Variants in CRYL1 observed in about 807,000 individuals in gnomAD.
The protein encoded by CRYL1 is lambda-crystallin homolog.
In CRYL1, 29 loss-of-function variants were observed where a neutral mutation model predicts 36.6. That is an observed-to-expected ratio of 0.79 (90% CI 0.59 to 1.08). The LOEUF (loss-of-function observed/expected upper bound fraction) is 1.08. CRYL1 is among the 50% of genes least tolerant of loss of function. The probability of loss-of-function intolerance (pLI) is 0.00; values close to 1 mark genes in which losing one functional copy is unlikely to be tolerated. For synonymous variants in CRYL1, 152 were observed against 151.5 expected, an observed-to-expected ratio of 1.00 and a Z score of -0.02; for missense variants, 411 against 407.9, an observed-to-expected ratio of 1.01 and a Z score of -0.06.
intron 3 of CRYL1, among the ~76,000 whole-genome samples, chr13:20,488,294 G>C (rs2033440887): frequency 6.6e-6 from 1 of 152,074 alleles, no homozygotes; most frequent in Non-Finnish European, 1.5e-5. Context: ...GAACTCATTA[G>C]GAGCCCTCAG....
intron 1 of CRYL1, among the ~76,000 whole-genome samples, chr13:20,517,599 A>G (rs2034023809): frequency 6.6e-6 from 1 of 151,340 alleles, no homozygotes; most frequent in East Asian, 2.0e-4. Context: ...CCATCTCAAA[A>G]AAATAAAAAA....
rs142174229 is a variant in CRYL1, at chr13:20,426,615, C to T, written c.633+5487G>A. The T allele has an allele frequency of 6.1e-4, 500 of 818,398 alleles. 2 individuals are homozygous for T. In the African/African-American group the frequency reaches 8.9e-3, roughly 15 times the overall value. 50.7% of individuals were successfully genotyped at this position (818,398 alleles called of 1,614,324 possible). ...AGACACACATAGAGACACACAGAGA[C>T]ACATACAGAGCCAGGGACGTGGTAT... On this transcript the variant is annotated intron_variant, in intron 5 of 7. Transcript: ENST00000298248.
rs1281584094 is a variant in CRYL1 at position 20,462,174 on chromosome 13, ACGACC to A, written c.277-22425_277-22421del. Among the ~76,000 whole-genome samples the A allele has an allele frequency of 3.7e-3, 12 of 3,202 alleles. 1 individual carries two copies. The highest frequency in any genetic ancestry group is 8.6e-3 in the East Asian group (1 of 116). The allele number at this position is 3,202 out of a possible 152,430, so 2.1% of individuals were successfully genotyped here. On this transcript the variant is annotated intron_variant, in intron 3 of 7. Coordinates refer to ENST00000298248, the MANE Select transcript of CRYL1 (RefSeq NM_015974.3). ...CTTGTGGAAGGGATAAGGTGGCAGG[ACGACC>A]TAGTGGGAGGACGACCTAGTGGGAG...
intron 3 of CRYL1, among the ~76,000 whole-genome samples, chr13:20,476,172 C>A (rs1369702258): frequency 1.3e-5 from 2 of 152,142 alleles, no homozygotes; most frequent in African/African-American, 4.8e-5. Context: ...GCGATACTTG[C>A]TGAACGCCAG....
At chr13:20,427,424 G>T in intron 5 of CRYL1, 1 of 412,838 alleles carries the variant, frequency 2.4e-6, no homozygotes, top group Non-Finnish European at 3.3e-6. Context: ...GGCTTACAGA[G>T]CTGCAAGGGA....
intron 2 of CRYL1, among the ~76,000 whole-genome samples, chr13:20,511,577 A>G (rs1390884114): frequency 1.3e-5 from 2 of 152,230 alleles, no homozygotes; most frequent in African/African-American, 4.8e-5. Flanking sequence ...TTCAAAATGC[A>G]GACAATAAAG....
At chr13:20,463,316 G>A (rs2032869435) in intron 3 of CRYL1, among the ~76,000 whole-genome samples, 1 of 152,120 alleles carries the variant, frequency 6.6e-6, no homozygotes, top group Non-Finnish European at 1.5e-5. Flanking sequence ...TTTTCCCAGT[G>A]TCTTACCTTG....
At chr13:20,430,994 C>T (rs760119637) in intron 5 of CRYL1, 12 of 985,364 alleles carry the variant, frequency 1.2e-5, no homozygotes, top group Non-Finnish European at 1.3e-5. Flanking sequence ...AATACAGGAG[C>T]CTTAAGTGGA....
At chr13:20,406,286 T>C (rs112302943) in intron 6 of CRYL1, among the ~76,000 whole-genome samples, 2 of 152,142 alleles carry the variant, frequency 1.3e-5, no homozygotes, top group African/African-American at 4.8e-5. Context: ...AAACATCATC[T>C]TTGGGGTTTA....
At chr13:20,447,139 C>A in intron 3 of CRYL1, among the ~76,000 whole-genome samples, 1 of 152,152 alleles carries the variant, frequency 6.6e-6, no homozygotes, top group East Asian at 1.9e-4. Flanking sequence ...ATTTCCCAAT[C>A]CACTTAGGAC....
In CRYL1 at chr13:20,525,783, G is replaced by A. The variant is rs746419888; in HGVS notation, c.12C>T (p.Ser4=). 1.6e-6 allele frequency: 2 copies of A among 1,285,264 alleles called. No individual in the cohort carries two copies. The highest frequency in any genetic ancestry group is 2.0e-6 in the Non-Finnish European group (2 of 1,014,902). The allele number at this position is 1,285,264 out of a possible 1,614,324, so 79.6% of individuals were successfully genotyped here. The change falls in exon 1 of 8, where the codon TCC becomes TCT. Residue 4 remains serine (S), a synonymous_variant. Coordinates refer to ENST00000298248, the MANE Select transcript of CRYL1 (RefSeq NM_015974.3). This position sits in a 1 kb window ranked among gnomAD's most constrained non-coding sequence, Gnocchi z 4.3. ...CAACGATCACCACGCAGCCGGCCGCGGAGGACGCCATGGTTGGGCCGGGGA... is the reference window on the plus strand; with the variant it reads ...CAACGATCACCACGCAGCCGGCCGCAGAGGACGCCATGGTTGGGCCGGGGA... MAS[S]AAGCVVIVGS...
intron 5 of CRYL1, chr13:20,430,296 T>C (rs2032029994): frequency 1.0e-6 from 1 of 985,450 alleles, no homozygotes; most frequent in African/African-American, 1.7e-5. Context: ...TGTCACAAAC[T>C]GTATCCTGCT....
In CRYL1 at chr13:20,524,052, A is replaced by C. The variant is rs150740475; in HGVS notation, c.41+1702T>G. On this transcript the variant is annotated intron_variant, in intron 1 of 7. Coordinates refer to ENST00000298248, the MANE Select transcript of CRYL1 (RefSeq NM_015974.3). ...AAGCGCTTGCACCCAGGAGTTCAAG[A>C]CCAACCAGGGCAAGATGGTGAGACC... is the stretch of plus-strand genomic sequence containing the variant. 1.1e-4 allele frequency among the ~76,000 whole-genome samples: 16 copies of C among 152,286 alleles called. 1 individual carries two copies. The highest frequency in any genetic ancestry group is 2.1e-4 in the Non-Finnish European group (14 of 68,008).
intron 5 of CRYL1, among the ~76,000 whole-genome samples, chr13:20,420,692 A>C: frequency 1.8e-5 from 1 of 56,276 alleles, no homozygotes; most frequent in Admixed American, 2.2e-4. Flanking sequence ...CTTTTCTTTA[A>C]AATAGAGGTT....
At chr13:20,405,930 C>G (rs1336222139) in intron 6 of CRYL1, 1 of 152,336 alleles carries the variant, frequency 6.6e-6, no homozygotes, top group Non-Finnish European at 1.5e-5. Flanking sequence ...CCCCTCCCTG[C>G]TGCCGGGAGG....
At chr13:20,477,994 A>C (rs1012355103) in intron 3 of CRYL1, among the ~76,000 whole-genome samples, 5 of 146,704 alleles carry the variant, frequency 3.4e-5, no homozygotes, top group African/African-American at 1.0e-4. Context: ...TATGTATATA[A>C]AAATATATAT....
intron 6 of CRYL1, among the ~76,000 whole-genome samples, chr13:20,409,024 C>A (rs1422197320): frequency 6.6e-6 from 1 of 152,052 alleles, no homozygotes; most frequent in Non-Finnish European, 1.5e-5. Context: ...GGAACCAAAA[C>A]AGAGCCCGCA....
intron 1 of CRYL1, among the ~76,000 whole-genome samples, chr13:20,518,768 G>T (rs1009517450): frequency 1.3e-5 from 2 of 152,194 alleles, no homozygotes; most frequent in African/African-American, 4.8e-5. Flanking sequence ...GGCAGAGGGG[G>T]TGCTGGAAAG....
intron 5 of CRYL1, among the ~76,000 whole-genome samples, chr13:20,414,228 C>T (rs1433337144): frequency 7.5e-6 from 1 of 133,034 alleles, no homozygotes; most frequent in Non-Finnish European, 1.6e-5. Context: ...CACACACACA[C>T]ATATGTATAC....
Sources: gnomAD v4.1 joint callset for allele counts (sites outside exome capture counted in the v4.1 genomes callset) on GRCh38, gnomAD v4.1.1 for gene constraint, Gnocchi (gnomAD v3.1) non-coding constraint, MANE v1.5 for transcripts, NCBI Gene and HGNC (gene_info 2026-07-23, HGNC 2026-07-21) for gene names.